Variants in PCSK6 observed in about 807,000 individuals in gnomAD.
The protein encoded by PCSK6 is proprotein convertase subtilisin/kexin type 6, also known as paired basic amino acid cleaving enzyme 4.
A neutral mutation model predicts 123.3 loss-of-function variants in PCSK6; 85 were observed. The ratio of observed to expected loss-of-function variants is 0.69; its 90% confidence interval spans 0.58 to 0.83. PCSK6 has a LOEUF of 0.83. Ranked by LOEUF, PCSK6 falls within the 40% of genes least tolerant of loss-of-function variation. The pLI is 0.00. For synonymous variants in PCSK6, 508 were observed against 516.0 expected (o/e 0.98, Z 0.21); for missense variants, 1,191 against 1,282.3 (o/e 0.93, Z 1.09).
At chr15:101,331,824 C>A in intron 14 of PCSK6, 28 bp downstream of exon 14, 1 of 1,610,024 alleles carries the variant, frequency 6.2e-7, no homozygotes, top group African/African-American at 1.3e-5. Context: ...TGGAAGCTGG[C>A]CGTCTCCTCT....
At chr15:101,474,506 G>C (rs1480283746) in intron 1 of PCSK6, among the ~76,000 whole-genome samples, 2 of 152,214 alleles carry the variant, frequency 1.3e-5, no homozygotes, top group African/African-American at 4.8e-5. Flanking sequence ...TCCAATAAAT[G>C]TTTGCTAAGT....
chr15:101,414,820 T>C (rs1216127513), intron 6 of PCSK6, among the ~76,000 whole-genome samples: 1 of 152,148 alleles, frequency 6.6e-6, no homozygotes, highest in Non-Finnish European at 1.5e-5. Flanking sequence ...TCCAAAGATA[T>C]CTGAAATCAG....
intron 13 of PCSK6, among the ~76,000 whole-genome samples, chr15:101,350,641 C>T (rs1043682888): frequency 6.6e-6 from 1 of 152,142 alleles, no homozygotes; most frequent in Non-Finnish European, 1.5e-5. Context: ...AAGAATGAGG[C>T]CAATGAAAAA....
intron 6 of PCSK6, among the ~76,000 whole-genome samples, chr15:101,410,583 T>C (rs2042917029): frequency 6.6e-6 from 1 of 152,104 alleles, no homozygotes. Context: ...GAGGCCAAAA[T>C]ATGCTTGGAA....
chr15:101,395,070 A>T (rs955236377), intron 7 of PCSK6, among the ~76,000 whole-genome samples: 1 of 152,338 alleles, frequency 6.6e-6, no homozygotes, highest in African/African-American at 2.4e-5. Flanking sequence ...TGCAAATCAA[A>T]AGGTATTTAA....
chr15:101,470,354 T>C (rs545763227), intron 1 of PCSK6, among the ~76,000 whole-genome samples: 1 of 152,232 alleles, frequency 6.6e-6, no homozygotes, highest in Non-Finnish European at 1.5e-5. Flanking sequence ...TAACACTTTC[T>C]CCTTTTCATT....
At position 101,427,972 on chromosome 15, in the gene PCSK6, G is replaced by A; in HGVS notation, c.743C>T (p.Thr248Ile). Residue 248 changes from threonine to isoleucine, a missense_variant, in exon 6 of 22, where the codon ACT (threonine) becomes ATT (isoleucine). Thr to Ile is a moderately conservative substitution (Grantham distance 89). This residue lies in a region of PCSK6 where 357 missense variants were observed against 484.5 expected (regional missense o/e 0.74). Coordinates refer to ENST00000611716, the MANE Select transcript of PCSK6 (RefSeq NM_002570.5). ...AGCAGCAACTTCTCCCGCACAACGA[G>A]TGCCGTGTCTGAAACAAAGGAAAAA... ...YDASNENKHG[T>I]RCAGEVAASA... The A allele has an allele frequency of 6.3e-7, 1 of 1,575,288 alleles. No homozygotes were observed. The highest frequency in any genetic ancestry group is 8.6e-7 in the Non-Finnish European group (1 of 1,159,828).
At chr15:101,345,649 C>T (rs763900282) in intron 13 of PCSK6, among the ~76,000 whole-genome samples, 3 of 152,218 alleles carry the variant, frequency 2.0e-5, no homozygotes, top group Non-Finnish European at 2.9e-5. Flanking sequence ...AGCGCTCTCG[C>T]GAAAGACAAA....
rs921162796 is a variant in PCSK6, at chr15:101,304,567, G to A, written c.*691C>T. The stretch of plus-strand genomic sequence containing the variant: ...ACTCCTGAAGACACAGACAGAACAC[G>A]GTAACAAGGAGAGCTCGGCTTGCTC... On this transcript the variant is annotated 3_prime_UTR_variant, in exon 22 of 22. Coordinates refer to ENST00000611716, the MANE Select transcript of PCSK6 (RefSeq NM_002570.5). The A allele has an allele frequency of 6.6e-6, 1 of 152,198 alleles. No homozygotes were observed. Among genetic ancestry groups the A allele is most frequent in the East Asian group, 1.9e-4 (1 of 5,202 alleles). The allele number at this position is 152,198 out of a possible 1,614,324, so 9.4% of individuals were successfully genotyped here. A position where few individuals can be genotyped will look rare whatever the true frequency, so the allele number is the denominator to read the frequency against.
intron 11 of PCSK6, among the ~76,000 whole-genome samples, chr15:101,380,714 C>T (rs2041890333): frequency 6.6e-6 from 1 of 152,224 alleles, no homozygotes; most frequent in African/African-American, 2.4e-5. Flanking sequence ...TGCACTCCTA[C>T]CATATGCGAG....
intron 19 of PCSK6, among the ~76,000 whole-genome samples, chr15:101,318,004 C>G (rs528789980): frequency 5.9e-5 from 9 of 152,316 alleles, no homozygotes; most frequent in African/African-American, 1.9e-4. Flanking sequence ...TACATAAAAT[C>G]TACCATCTCA....
chr15:101,368,990 G>A (rs769313535), intron 12 of PCSK6, among the ~76,000 whole-genome samples: 8 of 152,310 alleles, frequency 5.3e-5, no homozygotes, highest in East Asian at 1.9e-4. Flanking sequence ...GGCACAGCAC[G>A]GCCGGGCCTC....
At chr15:101,460,586 A>C (rs2141204676) in intron 1 of PCSK6, among the ~76,000 whole-genome samples, 1 of 152,346 alleles carries the variant, frequency 6.6e-6, no homozygotes, top group Non-Finnish European at 1.5e-5. Context: ...GCCCAACAAC[A>C]GAGAATAACA....
At chr15:101,366,414 C>G (rs371494640) in intron 12 of PCSK6, 82 bp from the exon 13 acceptor site, 1 of 1,452,372 alleles carries the variant, frequency 6.9e-7, no homozygotes, top group African/African-American at 1.4e-5. Context: ...GCAGGGCTCT[C>G]GGGGGACTGT....
intron 17 of PCSK6, 46 bp downstream of exon 17, chr15:101,324,804 T>C: frequency 6.6e-7 from 1 of 1,517,396 alleles, no homozygotes; most frequent in Non-Finnish European, 9.0e-7. Context: ...GCCCAGAAAG[T>C]TGGGGCTGGC....
intron 13 of PCSK6, among the ~76,000 whole-genome samples, chr15:101,359,077 G>A (rs1363007750): frequency 1.3e-5 from 2 of 152,198 alleles, no homozygotes; most frequent in Non-Finnish European, 2.9e-5. Context: ...GGCTTGCCGT[G>A]CGTCAGCTGT....
chr15:101,342,906 A>G (rs116883910), intron 13 of PCSK6, among the ~76,000 whole-genome samples: 3,135 of 152,260 alleles, frequency 0.021, 54 homozygotes, highest in Non-Finnish European at 0.03. Flanking sequence ...CGTCTCAAAA[A>G]AAAAAAAAAC....
Position 101,427,971 on chromosome 15 carries a change from A to C in PCSK6, c.744T>G (p.Thr248=). 6.3e-7 allele frequency: 1 copy of C among 1,575,902 alleles called. No individual in the cohort carries two copies. The highest frequency in any genetic ancestry group is 8.6e-7 in the Non-Finnish European group (1 of 1,160,190). The change falls in exon 6 of 22, where the codon ACT becomes ACG. Residue 248 remains threonine (T), a synonymous_variant. Transcript: ENST00000611716. ...YDASNENKHG[T]RCAGEVAASA... ...AAGCAGCAACTTCTCCCGCACAACG[A>C]GTGCCGTGTCTGAAACAAAGGAAAA... is the stretch of plus-strand genomic sequence containing the variant.
intron 1 of PCSK6, among the ~76,000 whole-genome samples, chr15:101,448,136 T>C (rs2056941040): frequency 6.6e-6 from 1 of 152,252 alleles, no homozygotes; most frequent in Non-Finnish European, 1.5e-5. Context: ...ATGAATTAAT[T>C]AGAGCCCGTC....
Sources: gnomAD v4.1 joint callset for allele counts (sites outside exome capture counted in the v4.1 genomes callset) on GRCh38, gnomAD v4.1.1 for gene constraint, gnomAD v4.1.1 regional missense constraint, MANE v1.5 for transcripts, NCBI Gene and HGNC (gene_info 2026-07-23, HGNC 2026-07-21) for gene names.